Variants in DGKD observed in about 807,000 individuals in gnomAD.
The protein encoded by DGKD is diacylglycerol kinase delta.
DGKD carries 68 observed loss-of-function variants against 154.4 expected under a neutral mutation model. The ratio of observed to expected loss-of-function variants is 0.44; its 90% CI spans 0.36 to 0.54. DGKD has a LOEUF of 0.54. Ranked by LOEUF, DGKD falls within the 20% of genes least tolerant of loss-of-function variation. The pLI, the probability that DGKD is intolerant of heterozygous loss-of-function variation, is 0.00. For synonymous variants in DGKD, 693 were observed against 638.0 expected (o/e 1.09, Z -1.30); for missense variants, 1,343 against 1,593.6 (o/e 0.84, Z 2.68).
intron 3 of DGKD, among the ~76,000 whole-genome samples, chr2:233,432,129 T>C (rs11895231): frequency 0.1 from 14,750 of 144,268 alleles, 903 homozygotes; most frequent in African/African-American, 0.18. Flanking sequence ...TGGTGGCTCA[T>C]GCCTGTAATC....
At position 233,354,935 on chromosome 2, in the gene DGKD, CTGGGCGGGGGGCGCGCGCCGAGT is replaced by C. The variant is rs1701471890; in HGVS notation, c.156+267_156+289del. ...AGGTGGGCGCCCCGGGCGCCGCGCG[CTGGGCGGGGGGCGCGCGCCGAGT>C]TGGGCCGCGAGGACCCGGAGGAAAC... On this transcript the variant is annotated intron_variant, in intron 1 of 29. Coordinates refer to ENST00000264057, the MANE Select transcript of DGKD (RefSeq NM_152879.3). This position sits in a 1 kb window ranked among gnomAD's most constrained non-coding sequence, Gnocchi z 4.8. Among the ~76,000 whole-genome samples, 1 of 146,980 alleles carries C rather than the reference CTGGGCGGGGGGCGCGCGCCGAGT, an allele frequency of 6.8e-6. No homozygotes were observed. The highest frequency in any genetic ancestry group is 2.0e-4 in the East Asian group (1 of 4,988).
At chr2:233,425,246 G>A (rs1238527461) in intron 3 of DGKD, among the ~76,000 whole-genome samples, 2 of 152,008 alleles carry the variant, frequency 1.3e-5, no homozygotes, top group Non-Finnish European at 1.5e-5. Flanking sequence ...GAGTGCAGTG[G>A]CGTAATCTTG....
chr2:233,436,454 C>T lies in DGKD; in HGVS notation c.819+13C>T. 1 of 1,608,984 alleles carries T rather than the reference C, an allele frequency of 6.2e-7. No individual in the cohort carries two copies. Among genetic ancestry groups the T allele is most frequent in the Non-Finnish European group, 8.5e-7 (1 of 1,178,606 alleles). On this transcript the variant is annotated intron_variant, in intron 7 of 29. Transcript: ENST00000264057. ...GTGCAAGGCCATGGTGAGTGTGGGC[C>T]CTGCGCCCGGGCTGGAGGGGAGGGC...
rs764482693 is a variant in DGKD, at chr2:233,448,369, C to T, written c.1608C>T (p.Ala536=). 2.6e-5 allele frequency: 42 copies of T among 1,613,700 alleles called. No homozygotes were observed. Among genetic ancestry groups the T allele is most frequent in the Non-Finnish European group, 3.4e-5 (40 of 1,179,924 alleles). The change falls in exon 14 of 30, where the codon GCC becomes GCT. Residue 536 remains alanine, a synonymous_variant. Transcript: ENST00000264057. ...GCTCGGAGGAGTCAGAGGTCATGGC[C>T]AAGAAGGTCTGTTCCCGTGCCCTGG... The part of the protein sequence containing the change: ...TESSEESEVM[A]KKCSVLKEKL...
chr2:233,466,024 A>G (rs2063813784), intron 27 of DGKD, among the ~76,000 whole-genome samples: 1 of 152,220 alleles, frequency 6.6e-6, no homozygotes, highest in Non-Finnish European at 1.5e-5. Context: ...TCATCAACTT[A>G]TGACAGTTAT....
intron 1 of DGKD, among the ~76,000 whole-genome samples, chr2:233,359,638 A>G (rs1416155927): frequency 6.6e-6 from 1 of 152,128 alleles, no homozygotes; most frequent in African/African-American, 2.4e-5. Flanking sequence ...ACCATTTTTT[A>G]AAGAAATCGT....
chr2:233,446,298 C>G (rs1029324815), intron 11 of DGKD, among the ~76,000 whole-genome samples: 1 of 152,212 alleles, frequency 6.6e-6, no homozygotes, highest in East Asian at 1.9e-4. Context: ...CTAGTTGCTC[C>G]CAGAAGCCTG....
At chr2:233,431,477 C>G (rs2125579344) in intron 3 of DGKD, among the ~76,000 whole-genome samples, 1 of 152,236 alleles carries the variant, frequency 6.6e-6, no homozygotes, top group Non-Finnish European at 1.5e-5. Context: ...AAAAATAATT[C>G]TAAAATTTAT....
Position 233,449,412 on chromosome 2 carries a change from G to C in DGKD, c.1888+36G>C. On this transcript the variant is annotated intron_variant, in intron 15 of 29. Coordinates refer to ENST00000264057, the MANE Select transcript of DGKD (RefSeq NM_152879.3). This position sits in a 1 kb window ranked among gnomAD's most constrained non-coding sequence, Gnocchi z 5.3. ...TTGTGATGAGGAGGGGCTTTCCTCA[G>C]GCCAGCACTGGGCATGCCCAGCGTC... 1 of 1,567,386 alleles carries C rather than the reference G, an allele frequency of 6.4e-7. No individual in the cohort carries two copies. Among genetic ancestry groups the C allele is most frequent in the Non-Finnish European group, 8.7e-7 (1 of 1,149,818 alleles).
At position 233,446,735 on chromosome 2, in the gene DGKD, C is replaced by T. The variant is rs1369502573; in HGVS notation, c.1358C>T (p.Ala453Val). 3.1e-6 allele frequency: 5 copies of T among 1,614,122 alleles called. No homozygotes were observed. The highest frequency in any genetic ancestry group is 3.4e-6 in the Non-Finnish European group (4 of 1,180,040). ...AGGTGGAGCGTCATGGCATACGAGG[C>T]CAAGCTCCCCCGGCAGGCCTCCTCC... Reference protein sequence around the residue: ...LDRWSVMAYEAKLPRQASSST... With the variant: ...LDRWSVMAYEVKLPRQASSST... Residue 453 changes from alanine (A) to valine (V), a missense_variant, in exon 12 of 30, where the codon GCC (alanine) becomes GTC (valine). Physicochemically the swap from Ala to Val is moderately conservative, Grantham distance 64. Coordinates refer to ENST00000264057, the MANE Select transcript of DGKD (RefSeq NM_152879.3).
intron 3 of DGKD, among the ~76,000 whole-genome samples, chr2:233,393,208 G>C (rs1303209239): frequency 6.6e-6 from 1 of 151,610 alleles, no homozygotes; most frequent in African/African-American, 2.4e-5. Flanking sequence ...TATATTTTCA[G>C]TTAGAGACGG....
At chr2:233,450,771 C>A (rs1234834317) in intron 16 of DGKD, 151 bp from the exon 17 acceptor site, 1 of 968,560 alleles carries the variant, frequency 1.0e-6, no homozygotes, top group African/African-American at 1.6e-5. Flanking sequence ...GTCCTCCGCC[C>A]CCTTCTTTGT....
Position 233,467,013 on chromosome 2 carries a change from C to G in DGKD, c.3307-73C>G, listed in dbSNP as rs543135658. On this transcript the variant is annotated intron_variant, in intron 27 of 29. Coordinates refer to ENST00000264057, the MANE Select transcript of DGKD (RefSeq NM_152879.3). ...TCAGCCCTGCCTGCCCTCCCAGCCT[C>G]TCTGGTGGAGATGGGCATGAGGCCG... is the stretch of plus-strand genomic sequence containing the variant. 20 of 1,258,958 alleles carry G rather than the reference C, an allele frequency of 1.6e-5. No homozygotes were observed. The East Asian group carries it at 1.6e-4, about 10-fold the overall frequency. 78.0% of individuals were successfully genotyped at this position (1,258,958 alleles called of 1,614,324 possible). A position where few individuals can be genotyped will look rare whatever the true frequency, so the allele number is the denominator to read the frequency against.
chr2:233,455,525 AC>A (rs1333327902), intron 19 of DGKD, among the ~76,000 whole-genome samples: 1 of 152,140 alleles, frequency 6.6e-6, no homozygotes, highest in African/African-American at 2.4e-5. Context: ...CTCCCTCCCC[AC>A]CCCACAGTAA....
At chr2:233,415,062 A>G (rs2061927128) in intron 3 of DGKD, among the ~76,000 whole-genome samples, 1 of 152,154 alleles carries the variant, frequency 6.6e-6, no homozygotes, top group Non-Finnish European at 1.5e-5. Flanking sequence ...AGTAGCTGAG[A>G]CTACAGGTAC....
chr2:233,385,982 ATTGTG>A (rs1410205149), intron 1 of DGKD: 6 of 470,536 alleles, frequency 1.3e-5, no homozygotes, highest in African/African-American at 1.2e-4. Flanking sequence ...CCTCAGAAAG[ATTGTG>A]CGTGTGCGTG....
intron 1 of DGKD, chr2:233,379,827 T>A (rs1267411753): frequency 6.6e-6 from 1 of 152,254 alleles, no homozygotes; most frequent in Non-Finnish European, 1.5e-5. Flanking sequence ...ATTATTTTAA[T>A]AACCTGTATT....
chr2:233,418,198 T>C (rs1371046480), intron 3 of DGKD, among the ~76,000 whole-genome samples: 1 of 152,234 alleles, frequency 6.6e-6, no homozygotes, highest in South Asian at 2.1e-4. Flanking sequence ...CAGCCCCCTG[T>C]CTGGAGACTG....
intron 3 of DGKD, among the ~76,000 whole-genome samples, chr2:233,398,368 A>T (rs2061475835): frequency 6.6e-6 from 1 of 151,574 alleles, no homozygotes; most frequent in Non-Finnish European, 1.5e-5. Context: ...GATGGTCTCG[A>T]TCTCCTGACC....
Sources: allele counts gnomAD v4.1 joint callset (sites outside exome capture counted in the v4.1 genomes callset), GRCh38; gene constraint gnomAD v4.1.1; non-coding constraint Gnocchi (gnomAD v3.1); transcripts MANE v1.5; gene names NCBI Gene and HGNC (gene_info 2026-07-23, HGNC 2026-07-21).